Variants in ASH1L observed in about 807,000 individuals in gnomAD.
The protein encoded by ASH1L is ASH1 like histone lysine methyltransferase, also known as histone-lysine N-methyltransferase ASH1L.
In ASH1L, 23 loss-of-function variants were observed where a neutral mutation model predicts 269.0. That is an observed-to-expected ratio of 0.09 (90% CI 0.06 to 0.12). The LOEUF (loss-of-function observed/expected upper bound fraction) is 0.12. ASH1L is among the 10% of genes least tolerant of loss of function. The pLI, the probability that ASH1L is intolerant of heterozygous loss-of-function variation, is 1.00. For missense variants in ASH1L, 2,912 were observed against 3,567.8 expected, an observed-to-expected ratio of 0.82 and a Z score of 4.68; for synonymous variants, 1,187 against 1,253.5, an observed-to-expected ratio of 0.95 and a Z score of 1.12.
intron 1 of ASH1L, among the ~76,000 whole-genome samples, chr1:155,537,371 G>A (rs1571099885): frequency 6.6e-6 from 1 of 152,110 alleles, no homozygotes; most frequent in Admixed American, 6.6e-5. Context: ...CCTACTAGGC[G>A]CCATACACTA....
chr1:155,394,712 A>G (rs1020044998), intron 7 of ASH1L, among the ~76,000 whole-genome samples: 1 of 152,214 alleles, frequency 6.6e-6, no homozygotes, highest in African/African-American at 2.4e-5. Context: ...CAAATGCTAA[A>G]CAAAGTCTTG....
chr1:155,489,754 T>C lies in ASH1L; in HGVS notation c.421-7305A>G, dbSNP rs532829860. Among the ~76,000 whole-genome samples, 6 of 147,028 alleles carry C rather than the reference T, an allele frequency of 4.1e-5. No individual in the cohort carries two copies. In the South Asian group the frequency reaches 1.3e-3, roughly 31 times the overall value. The stretch of plus-strand genomic sequence containing the variant: ...GCCTGGGCAACAGAGGGAGACACTG[T>C]CTCAAAAAAAATAAATAAATAAATG... On this transcript the variant is annotated intron_variant, in intron 2 of 27. Coordinates refer to ENST00000392403, the MANE Select transcript of ASH1L (RefSeq NM_018489.3).
intron 5 of ASH1L, chr1:155,434,324 G>A: frequency 6.4e-7 from 1 of 1,552,438 alleles, no homozygotes. Context: ...AAGAGAACCT[G>A]GAGTTTGTGC....
chr1:155,448,036 G>C (rs1198851294), intron 4 of ASH1L, among the ~76,000 whole-genome samples: 1 of 152,164 alleles, frequency 6.6e-6, no homozygotes, highest in Non-Finnish European at 1.5e-5. Flanking sequence ...TTCAGTTTTT[G>C]TATGTGCTGA....
chr1:155,548,124 C>A (rs1158689418), intron 1 of ASH1L, among the ~76,000 whole-genome samples: 2 of 152,048 alleles, frequency 1.3e-5, no homozygotes, highest in Admixed American at 1.3e-4. Flanking sequence ...AATGAGAACA[C>A]ATGAACACAG....
chr1:155,365,387 T>A (rs893869547), intron 12 of ASH1L, among the ~76,000 whole-genome samples: 1 of 150,372 alleles, frequency 6.7e-6, no homozygotes, highest in African/African-American at 2.5e-5. Flanking sequence ...TTTTTTTTTT[T>A]TTTTTTTGTA....
chr1:155,392,636 A>T (rs1658025138), intron 7 of ASH1L, among the ~76,000 whole-genome samples: 1 of 152,010 alleles, frequency 6.6e-6, no homozygotes, highest in South Asian at 2.1e-4. Context: ...CTACAGGCAC[A>T]CACCATTATG....
chr1:155,366,440 AT>A (rs1234218855), intron 12 of ASH1L, among the ~76,000 whole-genome samples: 1 of 152,166 alleles, frequency 6.6e-6, no homozygotes, highest in Non-Finnish European at 1.5e-5. Flanking sequence ...TGCTCTGTTT[AT>A]GGAATAGCCT....
At chr1:155,526,074 C>T (rs1012367843) in intron 1 of ASH1L, among the ~76,000 whole-genome samples, 15 of 151,960 alleles carry the variant, frequency 9.9e-5, no homozygotes, top group South Asian at 2.1e-4. Context: ...TCCACAGGTG[C>T]GGAATCACAG....
intron 4 of ASH1L, among the ~76,000 whole-genome samples, chr1:155,458,952 CT>C (rs368224681): frequency 8.7e-4 from 117 of 134,528 alleles, no homozygotes; most frequent in South Asian, 1.2e-3. Flanking sequence ...CATCCTCTCT[CT>C]TTTTTTTTTT....
chr1:155,474,342 A>T (rs1309931873), intron 3 of ASH1L, among the ~76,000 whole-genome samples: 1 of 152,128 alleles, frequency 6.6e-6, no homozygotes, highest in Non-Finnish European at 1.5e-5. Context: ...AAGCCTGAGA[A>T]CTAGATACCC....
intron 5 of ASH1L, among the ~76,000 whole-genome samples, chr1:155,420,268 T>C (rs1660560727): frequency 1.3e-5 from 2 of 148,520 alleles, no homozygotes; most frequent in African/African-American, 5.0e-5. Context: ...GAGGTTGAAT[T>C]GAGCCAAAAT....
intron 4 of ASH1L, among the ~76,000 whole-genome samples, chr1:155,458,717 AAACCAACCAACC>A (rs373281175): frequency 2.0e-3 from 297 of 150,758 alleles, no homozygotes; most frequent in Middle Eastern, 3.4e-3. Context: ...ACTCATCTCA[AAACCAACCAACC>A]AACCAACCAA....
chr1:155,351,887 AAATT>A (rs796996087), intron 17 of ASH1L, among the ~76,000 whole-genome samples: 1 of 151,038 alleles, frequency 6.6e-6, no homozygotes, highest in African/African-American at 2.4e-5. Flanking sequence ...ATAAATAAAT[AAATT>A]AATTACTATT....
intron 3 of ASH1L, among the ~76,000 whole-genome samples, chr1:155,461,083 G>GT (rs1047148716): frequency 6.6e-6 from 1 of 152,106 alleles, no homozygotes; most frequent in Non-Finnish European, 1.5e-5. Flanking sequence ...AAACTTACAT[G>GT]TAACTGGAGC....
chr1:155,522,342 C>T (rs1668948679), intron 1 of ASH1L, among the ~76,000 whole-genome samples: 3 of 152,172 alleles, frequency 2.0e-5, no homozygotes, highest in Admixed American at 2.0e-4. Context: ...CATCATGCTA[C>T]ACTCTGAAAA....
Position 155,430,063 on chromosome 1 carries a change from C to G in ASH1L, c.5828+8264G>C, listed in dbSNP as rs370069881. Reference sequence around the variant, plus strand: ...CGATCTCAGCTCACTGCAACCTCCGCCTGCCAGGTTCAAGCAATTCTCCTG... The same window carrying G: ...CGATCTCAGCTCACTGCAACCTCCGGCTGCCAGGTTCAAGCAATTCTCCTG... On this transcript the variant is annotated intron_variant, in intron 5 of 27. Transcript: ENST00000392403. 2.3e-3 allele frequency among the ~76,000 whole-genome samples: 356 copies of G among 152,132 alleles called. 1 individual carries two copies. Among genetic ancestry groups the G allele is most frequent in the African/African-American group, 7.9e-3 (329 of 41,510 alleles).
chr1:155,343,257 C>G lies in ASH1L; in HGVS notation c.8293+57G>C, dbSNP rs973266059. The G allele has an allele frequency of 6.0e-5, 93 of 1,554,878 alleles. No individual in the cohort carries two copies. The highest frequency in any genetic ancestry group is 7.9e-5 in the Non-Finnish European group (91 of 1,145,786). The stretch of plus-strand genomic sequence containing the variant: ...CGGCCTCCCACACCGCTGGGATTAT[C>G]AGCGTGAGCCACTGCACTTGGCCGA... On this transcript the variant is annotated intron_variant, in intron 24 of 27. Transcript: ENST00000392403. This position sits in a 1 kb window ranked among gnomAD's most constrained non-coding sequence, Gnocchi z 6.1.
intron 4 of ASH1L, among the ~76,000 whole-genome samples, chr1:155,459,407 G>C (rs1664124766): frequency 6.6e-6 from 1 of 152,076 alleles, no homozygotes; most frequent in South Asian, 2.1e-4. Flanking sequence ...TGTTGAACAG[G>C]GTGGTCTCGA....
Sources: gnomAD v4.1 joint callset for allele counts (sites outside exome capture counted in the v4.1 genomes callset) on GRCh38, gnomAD v4.1.1 for gene constraint, Gnocchi (gnomAD v3.1) non-coding constraint, MANE v1.5 for transcripts, NCBI Gene and HGNC (gene_info 2026-07-23, HGNC 2026-07-21) for gene names.